Variants in DGKH observed in about 807,000 individuals in gnomAD.
DGKH encodes the protein DAG kinase eta.
A neutral mutation model predicts 159.3 loss-of-function variants in DGKH; 90 were observed. The observed-to-expected ratio is 0.57, with a 90% CI of 0.48 to 0.67. The LOEUF (loss-of-function observed/expected upper bound fraction) is 0.67, where lower values mean the gene tolerates loss of function less well. Among genes scored for constraint, DGKH ranks in the 30% least tolerant of loss-of-function variants. The probability of loss-of-function intolerance (pLI) is 0.00; values close to 1 mark genes in which losing one functional copy is unlikely to be tolerated. For synonymous variants in DGKH, 536 were observed against 553.8 expected (o/e 0.97, Z 0.45); for missense variants, 1,181 against 1,506.1 (o/e 0.78, Z 3.57).
chr13:42,069,505 A>G (rs1183531362), intron 1 of DGKH: 1 of 1,582,088 alleles, frequency 6.3e-7, no homozygotes, highest in Non-Finnish European at 8.7e-7. Flanking sequence ...TCCTGCAATA[A>G]AGGAATGAAA....
chr13:42,090,018 A>G (rs536167077), intron 1 of DGKH, among the ~76,000 whole-genome samples: 1 of 152,310 alleles, frequency 6.6e-6, no homozygotes, highest in East Asian at 1.9e-4. Context: ...TAACCCATGG[A>G]TCAAAGAATA....
At chr13:42,159,859 T>C (rs1956134711) in intron 6 of DGKH, 152 bp from the exon 7 acceptor site, 1 of 1,129,828 alleles carries the variant, frequency 8.9e-7, no homozygotes, top group Non-Finnish European at 1.3e-6. Flanking sequence ...ACGTTCATAA[T>C]AGATGCTCAA....
At chr13:42,110,805 T>G (rs562431924) in intron 1 of DGKH, among the ~76,000 whole-genome samples, 1 of 152,262 alleles carries the variant, frequency 6.6e-6, no homozygotes, top group Non-Finnish European at 1.5e-5. Context: ...AAAACTGTTA[T>G]GTCTGGTATT....
Position 42,239,243 on chromosome 13 carries a change from A to G in DGKH, c.*10055A>G, listed in dbSNP as rs1958473895. ...TGCGCAGCATTTTAAAAAAATATACATAATTATGAGGATGAGAGAATTGCA... is the reference window on the plus strand; with the variant it reads ...TGCGCAGCATTTTAAAAAAATATACGTAATTATGAGGATGAGAGAATTGCA... On this transcript the variant is annotated 3_prime_UTR_variant, in exon 30 of 30. Coordinates refer to ENST00000337343, the MANE Select transcript of DGKH (RefSeq NM_178009.5). The G allele has an allele frequency of 1.3e-5, 2 of 152,272 alleles. No homozygotes were observed. Among genetic ancestry groups the G allele is most frequent in the African/African-American group, 4.8e-5 (2 of 41,460 alleles). 9.4% of individuals were successfully genotyped at this position (152,272 alleles called of 1,614,324 possible).
Position 42,094,605 on chromosome 13 carries a change from C to T in DGKH, c.193-32858C>T, listed in dbSNP as rs547268470. 1.1e-4 allele frequency among the ~76,000 whole-genome samples: 16 copies of T among 152,216 alleles called. No individual in the cohort carries two copies. In the East Asian group the frequency reaches 1.9e-3, roughly 18 times the overall value. On this transcript the variant is annotated intron_variant, in intron 1 of 29. Transcript: ENST00000337343. ...GCCTAGGTCTGTGTAGTGAATTGAG[C>T]GTCCTCAGTTGGATGGAGTTAAGAG... is the stretch of plus-strand genomic sequence containing the variant.
chr13:42,053,688 G>A (rs867101812), intron 1 of DGKH, among the ~76,000 whole-genome samples: 3 of 150,984 alleles, frequency 2.0e-5, no homozygotes, highest in East Asian at 1.9e-4. Flanking sequence ...GCATGATCTC[G>A]GCTCACTGCA....
In DGKH at chr13:42,048,868, C is replaced by T. The variant is rs1880997572; in HGVS notation, c.95C>T (p.Ala32Val). 1.5e-6 allele frequency: 2 copies of T among 1,370,774 alleles called. No individual in the cohort carries two copies. Among genetic ancestry groups the T allele is most frequent in the Admixed American group, 3.2e-5 (1 of 31,120 alleles). The allele number at this position is 1,370,774 out of a possible 1,614,324, so 84.9% of individuals were successfully genotyped here. ...GCGGTCACCTCCGCCGCTGCCTCGG[C>T]GGGGCCGGGAGAGGATTCGTCTGAC... ...GAAVTSAAAS[A>V]GPGEDSSDSE... The change falls in exon 1 of 30, where the codon GCG (alanine) becomes GTG (valine). Residue 32 changes from alanine (A) to valine (V), a missense_variant. Transcript: ENST00000337343. The surrounding 1 kb of genome is among the most constrained non-coding windows in gnomAD (Gnocchi z 6.7).
intron 1 of DGKH, chr13:42,069,414 A>G (rs1367459583): frequency 1.1e-5 from 17 of 1,539,608 alleles, no homozygotes; most frequent in African/African-American, 4.1e-5. Flanking sequence ...TTTCAATTCT[A>G]GTTGGGACAC....
At chr13:42,096,138 T>A (rs563526799) in intron 1 of DGKH, among the ~76,000 whole-genome samples, 1 of 152,228 alleles carries the variant, frequency 6.6e-6, no homozygotes, top group Admixed American at 6.5e-5. Flanking sequence ...ATGTGCAGGT[T>A]TGTTACCCGG....
At chr13:42,070,518 C>A in intron 1 of DGKH, 1 of 1,352,618 alleles carries the variant, frequency 7.4e-7, no homozygotes, top group Non-Finnish European at 1.1e-6. Context: ...CATTTAGTAA[C>A]CAATCCTTCA....
intron 3 of DGKH, among the ~76,000 whole-genome samples, chr13:42,134,966 G>T (rs1955370507): frequency 7.0e-6 from 1 of 142,792 alleles, no homozygotes; most frequent in Non-Finnish European, 1.6e-5. Flanking sequence ...AACAGGAAAA[G>T]ACTCTGTCTC....
chr13:42,115,437 T>C (rs1378257279), intron 1 of DGKH, among the ~76,000 whole-genome samples: 1 of 152,102 alleles, frequency 6.6e-6, no homozygotes, highest in Non-Finnish European at 1.5e-5. Context: ...AAAATCCCTA[T>C]GCAGCATGAT....
chr13:42,085,204 T>G (rs1472153742), intron 1 of DGKH, among the ~76,000 whole-genome samples: 1 of 152,174 alleles, frequency 6.6e-6, no homozygotes, highest in East Asian at 1.9e-4. Context: ...TTATAGGGCA[T>G]GCGAAACCTC....
At chr13:42,215,444 G>A (rs1439210792) in intron 25 of DGKH, 131 bp from the exon 26 acceptor site, 22 of 621,380 alleles carry the variant, frequency 3.5e-5, no homozygotes, top group Admixed American at 2.7e-4. Context: ...GAAACTTTGC[G>A]ATTATAGAAT....
chr13:42,105,459 C>A (rs611760), intron 1 of DGKH, among the ~76,000 whole-genome samples: 122,830 of 152,128 alleles, frequency 0.81, 50,112 homozygotes, highest in African/African-American at 0.89. Context: ...AGATACATTC[C>A]AACCATAGCA....
intron 3 of DGKH, among the ~76,000 whole-genome samples, chr13:42,136,726 A>G (rs1354303041): frequency 1.3e-5 from 2 of 152,198 alleles, no homozygotes; most frequent in Admixed American, 6.5e-5. Context: ...GTGAAATTTC[A>G]TGGGTACGGC....
At chr13:42,121,231 G>A (rs1174045771) in intron 1 of DGKH, among the ~76,000 whole-genome samples, 1 of 152,078 alleles carries the variant, frequency 6.6e-6, no homozygotes, top group South Asian at 2.1e-4. Context: ...CAACCATTCT[G>A]TTTTCACTTT....
intron 30 of DGKH, among the ~76,000 whole-genome samples, chr13:42,255,573 T>C (rs1025982720): frequency 5.9e-5 from 9 of 152,194 alleles, no homozygotes; most frequent in Non-Finnish European, 1.0e-4. Context: ...ATGTCAGCCA[T>C]GTTCCTTAGA....
At chr13:42,126,299 T>C (rs1045599034) in intron 1 of DGKH, among the ~76,000 whole-genome samples, 1 of 152,156 alleles carries the variant, frequency 6.6e-6, no homozygotes, top group Non-Finnish European at 1.5e-5. Context: ...GAAAATATGG[T>C]GAGCAAGCAC....
Sources: allele counts gnomAD v4.1 joint callset (sites outside exome capture counted in the v4.1 genomes callset), GRCh38; gene constraint gnomAD v4.1.1; non-coding constraint Gnocchi (gnomAD v3.1); transcripts MANE v1.5; gene names NCBI Gene and HGNC (gene_info 2026-07-23, HGNC 2026-07-21).